Variants in FBXO11 observed in about 807,000 individuals in gnomAD.
FBXO11 encodes the protein F-box protein 11.
Under a neutral mutation model 117.0 loss-of-function variants are expected in FBXO11, and 13 were observed. The observed-to-expected ratio is 0.11, with a 90% CI of 0.07 to 0.18. The LOEUF (loss-of-function observed/expected upper bound fraction) is 0.18, where lower values mean the gene tolerates loss of function less well. FBXO11 is among the 10% of genes least tolerant of loss of function. FBXO11 has a pLI of 1.00. For synonymous variants in FBXO11, 490 were observed against 380.5 expected, an observed-to-expected ratio of 1.29 and a Z score of -3.35; for missense variants, 767 against 1,164.4, an observed-to-expected ratio of 0.66 and a Z score of 4.97.
At chr2:47,841,213 A>G (rs1572825065) in intron 1 of FBXO11, among the ~76,000 whole-genome samples, 1 of 152,082 alleles carries the variant, frequency 6.6e-6, no homozygotes, top group East Asian at 1.9e-4. Flanking sequence ...AAAACCAAAA[A>G]CCAAAAAACA....
chr2:47,861,323 T>C (rs1045025705), intron 1 of FBXO11, among the ~76,000 whole-genome samples: 3 of 151,016 alleles, frequency 2.0e-5, no homozygotes, highest in Non-Finnish European at 4.4e-5. Flanking sequence ...CTGACCTTTT[T>C]TTTTTTTTTT....
At chr2:47,814,504 G>C (rs1190781404) in intron 16 of FBXO11, among the ~76,000 whole-genome samples, 1 of 150,960 alleles carries the variant, frequency 6.6e-6, no homozygotes, top group East Asian at 2.0e-4. Context: ...TAAGCCTCCC[G>C]AGTAGCTGGG....
chr2:47,901,103 A>ATATG (rs1553362620), intron 1 of FBXO11, among the ~76,000 whole-genome samples: 1 of 112,896 alleles, frequency 8.9e-6, no homozygotes, highest in African/African-American at 3.2e-5. Flanking sequence ...ATACATATAT[A>ATATG]TGTATATATG....
rs573899495 is a variant in FBXO11 at position 47,854,343 on chromosome 2, T to TA, written c.233-14575dup. ...AACACCCCTTTCTTTTCTCTCTACT[T>TA]AATGTTTACTGTTCAGTCAAATCTC... On this transcript the variant is annotated intron_variant, in intron 1 of 22. Coordinates refer to ENST00000403359, the MANE Select transcript of FBXO11 (RefSeq NM_001190274.2). Among the ~76,000 whole-genome samples, 48 of 152,102 alleles carry TA rather than the reference T, an allele frequency of 3.2e-4. No individual in the cohort carries two copies. In the East Asian group the frequency reaches 9.1e-3, roughly 29 times the overall value.
intron 1 of FBXO11, among the ~76,000 whole-genome samples, chr2:47,861,826 C>T (rs890306211): frequency 1.3e-5 from 2 of 152,156 alleles, no homozygotes; most frequent in African/African-American, 4.8e-5. Flanking sequence ...TAACCTAAGG[C>T]CCATGTTGGC....
rs746200212 is a variant in FBXO11 at position 47,832,756 on chromosome 2, A to T, written c.1153+13T>A. The T allele has an allele frequency of 1.1e-5, 17 of 1,609,552 alleles. No individual in the cohort carries two copies. In the Middle Eastern group the frequency reaches 8.3e-4, roughly 78 times the overall value. On this transcript the variant is annotated intron_variant, in intron 9 of 22. Coordinates refer to ENST00000403359, the MANE Select transcript of FBXO11 (RefSeq NM_001190274.2). ...CTCAAAATTTTATTGTAAAATATAA[A>T]GAAAACACTAACCTGTACATGTACT...
rs1296751522 is a variant in FBXO11 at position 47,835,920 on chromosome 2, T to C, written c.669A>G (p.Pro223=). Residue 223 remains proline (P), a synonymous_variant, in exon 5 of 23, where the codon CCA becomes CCG. Coordinates refer to ENST00000403359, the MANE Select transcript of FBXO11 (RefSeq NM_001190274.2). The part of the protein sequence containing the change: ...PEPGKFYQIN[P]EEYEHPNPWK... The stretch of plus-strand genomic sequence containing the variant: ...AGGGATTTGGATGTTCATACTCTTC[T>C]GGATTAATCTGGTAGAATTTTCCAG... The C allele has an allele frequency of 2.5e-6, 4 of 1,611,840 alleles. No individual in the cohort carries two copies. The highest frequency in any genetic ancestry group is 2.2e-5 in the South Asian group (2 of 90,922).
chr2:47,905,750 AG>A lies in FBXO11; in HGVS notation c.-31del. The A allele has an allele frequency of 7.1e-7, 1 of 1,410,694 alleles. No homozygotes were observed. 87.4% of individuals were successfully genotyped at this position (1,410,694 alleles called of 1,614,324 possible). ...CGGGCTGAGGTGGCGGCGTTGGCGG[AG>A]GGACACACACACGCACACGCACAGC... On this transcript the variant is annotated 5_prime_UTR_variant, in exon 1 of 23. Coordinates refer to ENST00000403359, the MANE Select transcript of FBXO11 (RefSeq NM_001190274.2).
chr2:47,898,700 ACAAT>A (rs1320029153), intron 1 of FBXO11, among the ~76,000 whole-genome samples: 1 of 152,190 alleles, frequency 6.6e-6, no homozygotes, highest in African/African-American at 2.4e-5. Context: ...AGATAAGTCA[ACAAT>A]CAATAGCATC....
intron 1 of FBXO11, among the ~76,000 whole-genome samples, chr2:47,898,818 T>C (rs1160307386): frequency 6.6e-6 from 1 of 152,188 alleles, no homozygotes; most frequent in Non-Finnish European, 1.5e-5. Flanking sequence ...ACAAACATTC[T>C]GCCAAATGTA....
At chr2:47,850,985 GA>G (rs1313416439) in intron 1 of FBXO11, among the ~76,000 whole-genome samples, 2 of 152,024 alleles carry the variant, frequency 1.3e-5, no homozygotes, top group South Asian at 2.1e-4. Context: ...TAACAAGCAA[GA>G]AAAAATTTTT....
chr2:47,843,615 C>G (rs114145385), intron 1 of FBXO11, among the ~76,000 whole-genome samples: 1,932 of 152,162 alleles, frequency 0.013, 36 homozygotes, highest in Middle Eastern at 0.051. Context: ...ATGCTTTCTG[C>G]CTTACAAATC....
intron 1 of FBXO11, among the ~76,000 whole-genome samples, chr2:47,874,652 A>G (rs1379097919): frequency 2.0e-5 from 3 of 152,110 alleles, no homozygotes; most frequent in South Asian, 4.1e-4. Flanking sequence ...CTTGTGCCTC[A>G]GCCTCCTGAG....
At chr2:47,854,467 A>G (rs1233516204) in intron 1 of FBXO11, among the ~76,000 whole-genome samples, 1 of 152,020 alleles carries the variant, frequency 6.6e-6, no homozygotes, top group Non-Finnish European at 1.5e-5. Flanking sequence ...TAGAAAGAAA[A>G]CTATGAATAC....
At chr2:47,846,418 G>C (rs1051025973) in intron 1 of FBXO11, among the ~76,000 whole-genome samples, 2 of 152,138 alleles carry the variant, frequency 1.3e-5, no homozygotes, top group East Asian at 3.8e-4. Context: ...GATGAGCGGA[G>C]ATCATGCCAT....
chr2:47,833,484 A>G (rs1429519583), intron 7 of FBXO11, among the ~76,000 whole-genome samples: 1 of 152,186 alleles, frequency 6.6e-6, no homozygotes, highest in East Asian at 1.9e-4. Flanking sequence ...GCTCTAATCT[A>G]TTCTCCCCAT....
rs1312149348 is a variant in FBXO11, at chr2:47,905,523, C to A, written c.198G>T (p.Pro66=). The change falls in exon 1 of 23, where the codon CCG becomes CCT. Residue 66 remains proline, a synonymous_variant. Transcript: ENST00000403359. ...QPPPPPPPPP[P]LPQERNNVGE... ...CGACGTTGTTCCGCTCCTGAGGCAG[C>A]GGCGGAGGCGGCGGTGGCGGCGGCG... 7.3e-6 allele frequency: 9 copies of A among 1,232,818 alleles called. No individual in the cohort carries two copies. Among genetic ancestry groups the A allele is most frequent in the Non-Finnish European group, 9.1e-6 (9 of 990,594 alleles). 76.4% of individuals were successfully genotyped at this position (1,232,818 alleles called of 1,614,324 possible).
intron 1 of FBXO11, among the ~76,000 whole-genome samples, chr2:47,898,115 G>C (rs772393866): frequency 6.6e-6 from 1 of 152,216 alleles, no homozygotes; most frequent in Non-Finnish European, 1.5e-5. Flanking sequence ...GGGAGAGCAA[G>C]CAATTAACAT....
chr2:47,852,192 G>A (rs912696735), intron 1 of FBXO11, among the ~76,000 whole-genome samples: 1 of 152,110 alleles, frequency 6.6e-6, no homozygotes, highest in Non-Finnish European at 1.5e-5. Flanking sequence ...GTTTCGCCAT[G>A]TTGGCCAGGG....
Sources: gnomAD v4.1 joint callset for allele counts (sites outside exome capture counted in the v4.1 genomes callset) on GRCh38, gnomAD v4.1.1 for gene constraint, MANE v1.5 for transcripts, NCBI Gene and HGNC (gene_info 2026-07-23, HGNC 2026-07-21) for gene names.